The following ZFPM2 variants were observed in gnomAD, a reference collection of about 807,000 sequenced individuals.
ZFPM2 encodes the protein zinc finger protein, FOG family member 2.
A neutral mutation model predicts 98.6 loss-of-function variants in ZFPM2; 20 were observed. The ratio of observed to expected loss-of-function variants is 0.20; its 90% CI spans 0.14 to 0.29. ZFPM2 has a LOEUF of 0.29. Ranked by LOEUF, ZFPM2 falls within the 10% of genes least tolerant of loss-of-function variation. ZFPM2 has a pLI of 1.00. For synonymous variants in ZFPM2, 518 were observed against 502.7 expected (o/e 1.03, Z -0.41); for missense variants, 1,310 against 1,388.6 (o/e 0.94, Z 0.90).
At chr8:105,516,560 T>C (rs1047491361) in intron 3 of ZFPM2, among the ~76,000 whole-genome samples, 1 of 152,222 alleles carries the variant, frequency 6.6e-6, no homozygotes, top group African/African-American at 2.4e-5. Flanking sequence ...ACAGTTGAAA[T>C]TGGACATTAT....
Position 105,769,418 on chromosome 8 carries a change from A to T in ZFPM2, c.533-19300A>T, listed in dbSNP as rs577142308. 4.6e-5 allele frequency among the ~76,000 whole-genome samples: 7 copies of T among 152,090 alleles called. No homozygotes were observed. In the South Asian group the frequency reaches 1.5e-3, roughly 32 times the overall value. Reference sequence around the variant, plus strand: ...ATTTCTGGGCCATGGCCAACTTCCTACTATGGGATACTTCAAAGATTCTGA... The same window carrying T: ...ATTTCTGGGCCATGGCCAACTTCCTTCTATGGGATACTTCAAAGATTCTGA... On this transcript the variant is annotated intron_variant, in intron 5 of 7. Coordinates refer to ENST00000407775, the MANE Select transcript of ZFPM2 (RefSeq NM_012082.4).
At chr8:105,586,410 T>TA (rs1815716410) in intron 4 of ZFPM2, among the ~76,000 whole-genome samples, 4 of 151,910 alleles carry the variant, frequency 2.6e-5, no homozygotes, top group South Asian at 2.1e-4. Context: ...CTGGAATTTT[T>TA]TTATTATTAT....
At chr8:105,511,491 T>C (rs1715907092) in intron 3 of ZFPM2, among the ~76,000 whole-genome samples, 1 of 152,214 alleles carries the variant, frequency 6.6e-6, no homozygotes, top group African/African-American at 2.4e-5. Context: ...ACCCAAATTA[T>C]GGTAGTGATT....
At chr8:105,736,221 G>A (rs1812069724) in intron 5 of ZFPM2, among the ~76,000 whole-genome samples, 2 of 151,908 alleles carry the variant, frequency 1.3e-5, no homozygotes, top group Admixed American at 1.3e-4. Context: ...GAGTTGAAGT[G>A]GGACCTAATG....
intron 1 of ZFPM2, among the ~76,000 whole-genome samples, chr8:105,331,188 C>CACACAT (rs762437290): frequency 1.6e-3 from 243 of 149,452 alleles, no homozygotes; most frequent in Non-Finnish European, 2.7e-3. Context: ...CACACACACA[C>CACACAT]ATATATATAC....
chr8:105,672,907 AG>A lies in ZFPM2; in HGVS notation c.532+38551del, dbSNP rs1223847493. On this transcript the variant is annotated intron_variant, in intron 5 of 7. Transcript: ENST00000407775. The stretch of plus-strand genomic sequence containing the variant: ...CATCTTTCAGGAAAACCTGCTGTGG[AG>A]TTAATCTGCTCTATTGCAGCAAAGA... 2.0e-5 allele frequency among the ~76,000 whole-genome samples: 3 copies of A among 152,284 alleles called. No individual in the cohort carries two copies. The East Asian group carries it at 5.8e-4, about 29-fold the overall frequency.
At chr8:105,422,488 C>CT (rs908350305) in intron 2 of ZFPM2, among the ~76,000 whole-genome samples, 3 of 151,682 alleles carry the variant, frequency 2.0e-5, no homozygotes, top group African/African-American at 7.3e-5. Flanking sequence ...ATTAATGAAA[C>CT]TTTTTTTTGC....
chr8:105,675,818 A>G (rs191465241), intron 5 of ZFPM2: 1 of 152,294 alleles, frequency 6.6e-6, no homozygotes, highest in African/African-American at 2.4e-5. Context: ...ATACCCTCTT[A>G]GGCACTTTAT....
intron 1 of ZFPM2, among the ~76,000 whole-genome samples, chr8:105,321,235 T>G (rs552934971): frequency 6.6e-6 from 1 of 152,300 alleles, no homozygotes; most frequent in South Asian, 2.1e-4. Flanking sequence ...AAGAGGCAGT[T>G]TCGCAGATGG....
intron 5 of ZFPM2, among the ~76,000 whole-genome samples, chr8:105,764,287 GACACACACACACACAC>G (rs59943408): frequency 4.3e-5 from 6 of 139,460 alleles, no homozygotes; most frequent in Admixed American, 7.2e-5. Flanking sequence ...CTCTCTCTCT[GACACACACACACACAC>G]ACACACACAC....
chr8:105,462,886 C>G (rs1296756768), intron 3 of ZFPM2, among the ~76,000 whole-genome samples: 1 of 151,922 alleles, frequency 6.6e-6, no homozygotes, highest in African/African-American at 2.4e-5. Context: ...ATTCAACGTC[C>G]TTGATGAGAG....
intron 2 of ZFPM2, among the ~76,000 whole-genome samples, chr8:105,423,715 A>G (rs966581179): frequency 6.6e-6 from 1 of 152,152 alleles, no homozygotes; most frequent in African/African-American, 2.4e-5. Context: ...TAAGCAAACC[A>G]ATATGAACAG....
At chr8:105,351,544 C>T (rs987203034) in intron 1 of ZFPM2, among the ~76,000 whole-genome samples, 13 of 152,214 alleles carry the variant, frequency 8.5e-5, no homozygotes, top group Non-Finnish European at 2.9e-5. Context: ...ACTCAGAATC[C>T]TTTCATTGGA....
At chr8:105,342,088 G>A (rs2129667486) in intron 1 of ZFPM2, among the ~76,000 whole-genome samples, 1 of 152,070 alleles carries the variant, frequency 6.6e-6, no homozygotes. Flanking sequence ...TCTCAGATAG[G>A]AATAGATGAG....
chr8:105,415,591 C>G (rs192015233), intron 1 of ZFPM2, among the ~76,000 whole-genome samples: 1 of 151,912 alleles, frequency 6.6e-6, no homozygotes, highest in Admixed American at 6.6e-5. Flanking sequence ...TCCTTCATTC[C>G]CTCCTTCATT....
At chr8:105,489,027 C>T (rs924514480) in intron 3 of ZFPM2, among the ~76,000 whole-genome samples, 9 of 152,160 alleles carry the variant, frequency 5.9e-5, no homozygotes, top group Non-Finnish European at 1.3e-4. Context: ...ACCTTAAGAA[C>T]TACCTGTAAT....
chr8:105,627,176 C>T (rs1207970493), intron 4 of ZFPM2, among the ~76,000 whole-genome samples: 1 of 152,156 alleles, frequency 6.6e-6, no homozygotes, highest in African/African-American at 2.4e-5. Flanking sequence ...TTATTGAAGG[C>T]TTCCTCCTTT....
At chr8:105,442,432 T>C (rs890011505) in intron 2 of ZFPM2, among the ~76,000 whole-genome samples, 5 of 152,216 alleles carry the variant, frequency 3.3e-5, no homozygotes, top group African/African-American at 1.2e-4. Flanking sequence ...CCTCTTTGTG[T>C]TTTTATTTTC....
chr8:105,371,253 G>C lies in ZFPM2; in HGVS notation c.41-47891G>C, dbSNP rs1266270328. 1.3e-4 allele frequency among the ~76,000 whole-genome samples: 20 copies of C among 152,298 alleles called. No homozygotes were observed. The East Asian group carries it at 3.9e-3, about 29-fold the overall frequency. ...CAAAATTGTATAACGAGGAGAAAAA[G>C]ATAGGAAATTGAGTAATACTCTCTT... On this transcript the variant is annotated intron_variant, in intron 1 of 7. Coordinates refer to ENST00000407775, the MANE Select transcript of ZFPM2 (RefSeq NM_012082.4).
Sources: gnomAD v4.1 joint callset for allele counts (sites outside exome capture counted in the v4.1 genomes callset) on GRCh38, gnomAD v4.1.1 for gene constraint, MANE v1.5 for transcripts, NCBI Gene and HGNC (gene_info 2026-07-23, HGNC 2026-07-21) for gene names.